IL17B: variants seen among roughly 807,000 people sequenced by gnomAD.
The protein encoded by IL17B is interleukin 17B.
Under a neutral mutation model 14.7 loss-of-function variants are expected in IL17B, and 14 were observed. The ratio of observed to expected loss-of-function variants is 0.95; its 90% CI spans 0.63 to 1.49. IL17B has a LOEUF of 1.49. Ranked by LOEUF, IL17B falls within the 40% of genes most tolerant of loss-of-function variation. The pLI is 0.00. For missense variants in IL17B, 233 were observed against 252.8 expected (o/e 0.92, Z 0.53); for synonymous variants, 105 against 94.8 (o/e 1.11, Z -0.62).
Position 149,376,756 on chromosome 5 carries a change from G to A in IL17B, c.291C>T (p.Ser97=), listed in dbSNP as rs1758552251. 1 of 1,610,908 alleles carries A rather than the reference G, an allele frequency of 6.2e-7. No homozygotes were observed. Among genetic ancestry groups the A allele is most frequent in the East Asian group, 2.2e-5 (1 of 44,868 alleles). ...NLQLWMSNKR[S]LSPWGYSINH... ...CCTACCTGTAGCCCCAGGGAGACAG[G>A]CTCCTCTTGTTGGACATCCACAGCT... The change falls in exon 2 of 3, where the codon AGC becomes AGT. Residue 97 remains serine, a synonymous_variant. Transcript: ENST00000261796.
chr5:149,387,469 AT>A (rs1758848940), intron 1 of IL17B, among the ~76,000 whole-genome samples: 1 of 152,206 alleles, frequency 6.6e-6, no homozygotes, highest in African/African-American at 2.4e-5. Flanking sequence ...GCACTCTACA[AT>A]TTGAAAAACA....
chr5:149,374,641 G>T lies in IL17B; in HGVS notation c.312-41C>A. ...GAAAGAGCAGAGCGGAAGGTGATCA[G>T]GAAAGGGCCAGTCAGCACCCATACT... is the stretch of plus-strand genomic sequence containing the variant. On this transcript the variant is annotated intron_variant, in intron 2 of 2. Coordinates refer to ENST00000261796, the MANE Select transcript of IL17B (RefSeq NM_014443.3). This position sits in a 1 kb window ranked among gnomAD's most constrained non-coding sequence, Gnocchi z 5.0. 6.5e-7 allele frequency: 1 copy of T among 1,529,692 alleles called. No individual in the cohort carries two copies. The highest frequency in any genetic ancestry group is 1.2e-5 in the South Asian group (1 of 86,526). The allele number at this position is 1,529,692 out of a possible 1,614,324, so 94.8% of individuals were successfully genotyped here.
chr5:149,401,909 G>A (rs908920573), intron 1 of IL17B, among the ~76,000 whole-genome samples: 3 of 152,142 alleles, frequency 2.0e-5, no homozygotes, highest in East Asian at 1.9e-4. Context: ...TTTGTTGAAC[G>A]TTCTTTCACA....
intron 1 of IL17B, among the ~76,000 whole-genome samples, chr5:149,386,540 T>C (rs1301483692): frequency 1.3e-5 from 2 of 152,166 alleles, no homozygotes; most frequent in South Asian, 2.1e-4. Flanking sequence ...CTGCTTCTGG[T>C]GGAGGTTTAA....
chr5:149,378,759 T>C (rs1581385200), intron 1 of IL17B, among the ~76,000 whole-genome samples: 1 of 152,230 alleles, frequency 6.6e-6, no homozygotes, highest in East Asian at 1.9e-4. Context: ...CAATAGGCTC[T>C]CTCTTTAGAG....
chr5:149,392,959 CGTGTGTGT>C (rs1192742226), intron 1 of IL17B, among the ~76,000 whole-genome samples: 3 of 147,996 alleles, frequency 2.0e-5, no homozygotes, highest in African/African-American at 7.5e-5. Flanking sequence ...TGCGTGTGTG[CGTGTGTGT>C]GCGCGCGTGC....
intron 1 of IL17B, among the ~76,000 whole-genome samples, chr5:149,391,723 A>T (rs1581393741): frequency 6.6e-6 from 1 of 152,096 alleles, no homozygotes; most frequent in Non-Finnish European, 1.5e-5. Context: ...CTGTCAGTGG[A>T]GGAGGGTGAT....
chr5:149,390,225 C>G lies in IL17B; in HGVS notation n.96-13200G>C, dbSNP rs548927942. ...TATTACTGGTATTAGTGACCCCCCC[C>G]CTCCCTGTCCCTGGGGAAAGATGGG... On this transcript the variant is annotated intron_variant and non_coding_transcript_variant, in intron 1 of 2. Coordinates refer to the IL17B transcript ENST00000505432. Among the ~76,000 whole-genome samples the G allele has an allele frequency of 2.2e-4, 32 of 146,686 alleles. 2 individuals carry two copies. The highest frequency in any genetic ancestry group is 4.0e-4 in the Non-Finnish European group (26 of 65,612).
chr5:149,396,577 G>A (rs1413971712), intron 1 of IL17B, among the ~76,000 whole-genome samples: 1 of 152,126 alleles, frequency 6.6e-6, no homozygotes, highest in Non-Finnish European at 1.5e-5. Context: ...GCAACATGGA[G>A]AAATCCCATC....
chr5:149,404,188 A>G (rs558920896), exon 1 of IL17B: 1 of 152,372 alleles, frequency 6.6e-6, no homozygotes, highest in African/African-American at 2.4e-5. Context: ...AAGAAAAGCC[A>G]CTTCACAGAA....
chr5:149,376,616 G>T, intron 2 of IL17B, 120 bp downstream of exon 2: 2 of 1,309,958 alleles, frequency 1.5e-6, no homozygotes, highest in Non-Finnish European at 2.1e-6. Context: ...AAGAGGCAGA[G>T]CTAGGGTTCG....
rs557440309 is a variant in IL17B, at chr5:149,385,059, A to G, written n.96-8034T>C. On this transcript the variant is annotated intron_variant and non_coding_transcript_variant, in intron 1 of 2. Coordinates refer to the IL17B transcript ENST00000505432. ...CTCCCAAGTAGCTAGGATTACAGGCATGCGCCACCATGCCCAGCTAATTTT... is the reference window on the plus strand; with the variant it reads ...CTCCCAAGTAGCTAGGATTACAGGCGTGCGCCACCATGCCCAGCTAATTTT... Among the ~76,000 whole-genome samples the G allele has an allele frequency of 8.4e-4, 127 of 151,962 alleles. 1 individual carries two copies. The highest frequency in any genetic ancestry group is 2.9e-3 in the African/African-American group (121 of 41,494).
chr5:149,396,897 C>G (rs1320936446), intron 1 of IL17B, among the ~76,000 whole-genome samples: 1 of 152,242 alleles, frequency 6.6e-6, no homozygotes, highest in Non-Finnish European at 1.5e-5. Flanking sequence ...TTCTCATTCT[C>G]TGACGAAGGG....
At chr5:149,379,773 C>T (rs1384471812), upstream of IL17B, among the ~76,000 whole-genome samples, 1 of 152,138 alleles carries the variant, frequency 6.6e-6, no homozygotes, top group Non-Finnish European at 1.5e-5. Flanking sequence ...CCCTAGGAGA[C>T]CAAAGCCCCA....
chr5:149,374,979 C>T lies in IL17B; in HGVS notation c.312-379G>A. ...ACTCTGTCACCCAGGGTGGAAGTGG[C>T]CCAGTCACAGCTTACTGCAGCATCA... On this transcript the variant is annotated intron_variant, in intron 2 of 2. Coordinates refer to ENST00000261796, the MANE Select transcript of IL17B (RefSeq NM_014443.3). This position sits in a 1 kb window ranked among gnomAD's most constrained non-coding sequence, Gnocchi z 5.0. 1 of 177,404 alleles carries T rather than the reference C, an allele frequency of 5.6e-6. No homozygotes were observed. The highest frequency in any genetic ancestry group is 1.2e-5 in the Non-Finnish European group (1 of 84,580). The allele number at this position is 177,404 out of a possible 1,614,324, so 11.0% of individuals were successfully genotyped here.
At chr5:149,388,639 A>G (rs1758875770) in intron 1 of IL17B, among the ~76,000 whole-genome samples, 1 of 152,252 alleles carries the variant, frequency 6.6e-6, no homozygotes, top group East Asian at 1.9e-4. Flanking sequence ...GTTGCACTGC[A>G]GTAACAAGCA....
chr5:149,381,711 C>T (rs957192082), upstream of IL17B, among the ~76,000 whole-genome samples: 1 of 152,212 alleles, frequency 6.6e-6, no homozygotes, highest in African/African-American at 2.4e-5. Flanking sequence ...ATTCCTGGAC[C>T]ATCTCAGACC....
At chr5:149,400,509 GC>G (rs1255972321) in intron 1 of IL17B, among the ~76,000 whole-genome samples, 1 of 152,214 alleles carries the variant, frequency 6.6e-6, no homozygotes, top group Non-Finnish European at 1.5e-5. Flanking sequence ...CCGGTCGCTG[GC>G]TTTGTGGGTG....
chr5:149,377,670 G>A (rs1218934438), intron 1 of IL17B, among the ~76,000 whole-genome samples: 1 of 152,194 alleles, frequency 6.6e-6, no homozygotes, highest in Non-Finnish European at 1.5e-5. Flanking sequence ...CATTCAGGGT[G>A]TGGCTGGAGA....
Sources: gnomAD v4.1 joint callset for allele counts (sites outside exome capture counted in the v4.1 genomes callset) on GRCh38, gnomAD v4.1.1 for gene constraint, Gnocchi (gnomAD v3.1) non-coding constraint, MANE v1.5 for transcripts, NCBI Gene and HGNC (gene_info 2026-07-23, HGNC 2026-07-21) for gene names.